Variants in GPRC5C observed in about 807,000 individuals in gnomAD.
GPRC5C encodes G protein-coupled receptor family C group 5 member C.
In GPRC5C, 22 loss-of-function variants were observed where a neutral mutation model predicts 31.4. That is an observed-to-expected ratio of 0.70 (90% CI 0.50 to 1.00). GPRC5C has a LOEUF of 1.00. Among genes scored for constraint, GPRC5C ranks in the 50% least tolerant of loss-of-function variants. GPRC5C has a pLI of 0.00. For missense variants in GPRC5C, 557 were observed against 597.2 expected (o/e 0.93, Z 0.70); for synonymous variants, 249 against 257.5 (o/e 0.97, Z 0.32).
Position 74,440,295 on chromosome 17 carries a change from G to C in GPRC5C, c.519G>C (p.Glu173Asp), listed in dbSNP as rs1190462622. The change falls in exon 2 of 4, where the codon GAG (glutamate) becomes GAC (aspartate). Residue 173 changes from glutamate (E) to aspartate (D), a missense_variant. Coordinates refer to ENST00000392627, the MANE Select transcript of GPRC5C (RefSeq NM_022036.4). The surrounding 1 kb of genome is among the most constrained non-coding windows in gnomAD (Gnocchi z 4.4). ...LTLVEVIINTEWLIITLVRGS... is the reference protein window; with the variant it reads ...LTLVEVIINTDWLIITLVRGS... The stretch of plus-strand genomic sequence containing the variant: ...TGGTAGAGGTCATCATCAATACAGA[G>C]TGGCTGATCATCACCCTGGTTCGGG... 4 of 1,614,212 alleles carry C rather than the reference G, an allele frequency of 2.5e-6. No homozygotes were observed. The South Asian group carries it at 4.4e-5, about 18-fold the overall frequency.
chr17:74,449,134 G>C (rs1232658169), downstream of GPRC5C, among the ~76,000 whole-genome samples: 1 of 152,022 alleles, frequency 6.6e-6, no homozygotes, highest in Non-Finnish European at 1.5e-5. Flanking sequence ...GGAGAGAAAG[G>C]TTGCTGGGAA....
intron 1 of GPRC5C, chr17:74,433,584 G>A (rs2055387370): frequency 1.2e-6 from 1 of 815,742 alleles, no homozygotes; most frequent in Admixed American, 1.8e-5. Flanking sequence ...CCAGGGACTG[G>A]GAGAGACCGA....
intron 1 of GPRC5C, chr17:74,432,452 C>T (rs2055367535): frequency 4.6e-6 from 5 of 1,091,438 alleles, no homozygotes; most frequent in Non-Finnish European, 5.6e-6. Context: ...CTCCCACCCC[C>T]GCCCGCCCCC....
intron 1 of GPRC5C, among the ~76,000 whole-genome samples, chr17:74,439,031 TCTTA>T (rs536567619): frequency 8.5e-4 from 130 of 152,352 alleles, no homozygotes; most frequent in African/African-American, 2.8e-3. Context: ...CTTGCCTGGT[TCTTA>T]CTTTTAAAAT....
chr17:74,438,240 TATATATATATATTTG>T (rs1271459869), intron 1 of GPRC5C, among the ~76,000 whole-genome samples: 41 of 120,232 alleles, frequency 3.4e-4, no homozygotes, highest in African/African-American at 1.6e-3. Context: ...TATATATATA[TATATATATATATTTG>T]TTGTTGTTGT....
downstream of GPRC5C, chr17:74,450,779 A>G (rs1279300902): frequency 6.6e-6 from 1 of 152,178 alleles, no homozygotes; most frequent in East Asian, 1.9e-4. Flanking sequence ...GCTCGTGAAA[A>G]TGAGCTCTCT....
intron 2 of GPRC5C, among the ~76,000 whole-genome samples, chr17:74,442,609 C>A (rs762439204): frequency 6.6e-6 from 1 of 152,248 alleles, no homozygotes. Context: ...GGTTAACAAG[C>A]ACCGGCTCTG....
chr17:74,442,952 G>A (rs2055565851), intron 2 of GPRC5C: 1 of 152,170 alleles, frequency 6.6e-6, no homozygotes, highest in South Asian at 2.1e-4. Flanking sequence ...CTCAACCTTG[G>A]GGCTGAGTTT....
Position 74,447,329 on chromosome 17 carries a change from A to T in GPRC5C, c.*301A>T, listed in dbSNP as rs1352783558. 1.8e-5 allele frequency: 20 copies of T among 1,126,178 alleles called. No individual in the cohort carries two copies. In the South Asian group the frequency reaches 6.0e-4, roughly 34 times the overall value. The allele number at this position is 1,126,178 out of a possible 1,614,324, so 69.8% of individuals were successfully genotyped here. A position where few individuals can be genotyped will look rare whatever the true frequency, so the allele number is the denominator to read the frequency against. On this transcript the variant is annotated 3_prime_UTR_variant, in exon 4 of 4. Coordinates refer to ENST00000392627, the MANE Select transcript of GPRC5C (RefSeq NM_022036.4). ...CTGGGCAGCGCCTATGTTTCTCTGG[A>T]GATTCCTGCAACCTCAAGAGACTTC... is the stretch of plus-strand genomic sequence containing the variant.
In GPRC5C at chr17:74,447,028, A is replaced by T; in HGVS notation, c.1326A>T (p.Ter442CysextTer86). Residue 442 changes from the stop codon to cysteine, a stop_lost, in exon 4 of 4, where the codon TGA (stop) becomes TGT (cysteine). Coordinates refer to ENST00000392627, the MANE Select transcript of GPRC5C (RefSeq NM_022036.4). ...QVFRNPYVWD* is the reference protein window; with the variant it reads ...QVFRNPYVWDC ...TTAGAAACCCCTACGTGTGGGACTG[A>T]GTCAGCGGTGGCGAGGAGAGGCGGG... The T allele has an allele frequency of 6.2e-7, 1 of 1,607,598 alleles. No individual in the cohort carries two copies.
intron 2 of GPRC5C, among the ~76,000 whole-genome samples, chr17:74,441,281 T>A (rs1220243056): frequency 1.3e-5 from 2 of 151,900 alleles, no homozygotes; most frequent in Admixed American, 1.3e-4. Context: ...CATCTCAAAA[T>A]AAATAAATAA....
rs747428795 is a variant in GPRC5C at position 74,439,892 on chromosome 17, A to G, written c.116A>G (p.Tyr39Cys). ...PGCSQGLNPL[Y>C]YNLCDRSGAW... Reference sequence around the variant, plus strand: ...TGCAGCCAAGGCCTCAACCCCCTGTACTACAACCTGTGTGACCGCTCTGGG... The same window carrying G: ...TGCAGCCAAGGCCTCAACCCCCTGTGCTACAACCTGTGTGACCGCTCTGGG... Residue 39 changes from tyrosine (Y) to cysteine (C), a missense_variant, in exon 2 of 4, where the codon TAC (tyrosine) becomes TGC (cysteine). Tyr to Cys is a radical substitution (Grantham distance 194, BLOSUM62 -2). Transcript: ENST00000392627. 5 of 1,612,880 alleles carry G rather than the reference A, an allele frequency of 3.1e-6. No homozygotes were observed.
chr17:74,443,617 G>A (rs751913221), intron 2 of GPRC5C: 2 of 694,302 alleles, frequency 2.9e-6, no homozygotes, highest in South Asian at 1.5e-5. Flanking sequence ...TCTGTACAAA[G>A]GGGTGCTAGG....
downstream of GPRC5C, chr17:74,449,376 T>G (rs147698333): frequency 1.0e-3 from 1,352 of 1,293,734 alleles, 16 homozygotes; most frequent in African/African-American, 0.019. Context: ...AGAAGCCCTC[T>G]TCCCGGGACT....
chr17:74,449,711 C>T (rs2055694370), downstream of GPRC5C: 1 of 226,370 alleles, frequency 4.4e-6, no homozygotes, highest in Non-Finnish European at 8.9e-6. Flanking sequence ...TTCAGATTGC[C>T]TTCTTCCCCT....
chr17:74,449,274 C>T (rs1422299879), downstream of GPRC5C: 1 of 938,130 alleles, frequency 1.1e-6, no homozygotes, highest in Non-Finnish European at 1.5e-6. Context: ...AAGTAAAAAC[C>T]AGTTCTTGGG....
At chr17:74,432,779 GC>G (rs2055374516) in intron 1 of GPRC5C, among the ~76,000 whole-genome samples, 1 of 151,986 alleles carries the variant, frequency 6.6e-6, no homozygotes, top group African/African-American at 2.4e-5. Context: ...CCCCTCCACC[GC>G]CTGCCTCTCG....
At chr17:74,444,037 T>C in intron 3 of GPRC5C, 125 bp downstream of exon 3, 1 of 676,790 alleles carries the variant, frequency 1.5e-6, no homozygotes. Context: ...AAGGCAAGCT[T>C]CTCCATCTGG....
At chr17:74,449,498 T>C, downstream of GPRC5C, 3 of 468,770 alleles carry the variant, frequency 6.4e-6, no homozygotes, top group South Asian at 5.5e-5. Context: ...CCTGAAGCAG[T>C]GGACCGAGTG....
Sources: gnomAD v4.1 joint callset for allele counts (sites outside exome capture counted in the v4.1 genomes callset) on GRCh38, gnomAD v4.1.1 for gene constraint, Gnocchi (gnomAD v3.1) non-coding constraint, MANE v1.5 for transcripts, NCBI Gene and HGNC (gene_info 2026-07-23, HGNC 2026-07-21) for gene names.